Variants in DHRS3 observed in about 807,000 individuals in gnomAD.
The protein encoded by DHRS3 is dehydrogenase/reductase 3.
In DHRS3, 14 loss-of-function variants were observed where a neutral mutation model predicts 27.2. That is an observed-to-expected ratio of 0.52 (90% CI 0.34 to 0.81). The LOEUF is 0.81. DHRS3 is among the 30% of genes least tolerant of loss of function. DHRS3 has a pLI of 0.01. For missense variants in DHRS3, 322 were observed against 406.2 expected (o/e 0.79, Z 1.78); for synonymous variants, 165 against 175.9 (o/e 0.94, Z 0.49).
At chr1:12,579,456 C>T in intron 2 of DHRS3, 44 bp from the exon 3 acceptor site, 3 of 1,605,746 alleles carry the variant, frequency 1.9e-6, no homozygotes, top group Non-Finnish European at 2.6e-6. Flanking sequence ...GCAGCCAGCC[C>T]AGGGCCAACG....
chr1:12,586,356 G>A lies in DHRS3; in HGVS notation c.196-5690C>T, dbSNP rs1011372095. On this transcript the variant is annotated intron_variant, in intron 1 of 5. Transcript: ENST00000616661. This position sits in a 1 kb window ranked among gnomAD's most constrained non-coding sequence, Gnocchi z 5.0. ...CCCCAGGCACGGTGGGGTCGTCTGA[G>A]CTTTGAGGGTTCCACTCTCCTCACA... is the stretch of plus-strand genomic sequence containing the variant. Among the ~76,000 whole-genome samples the A allele has an allele frequency of 4.6e-5, 7 of 152,312 alleles. No individual in the cohort carries two copies. Among genetic ancestry groups the A allele is most frequent in the East Asian group, 1.9e-4 (1 of 5,182 alleles).
chr1:12,584,994 G>GT (rs1246913657), intron 1 of DHRS3, among the ~76,000 whole-genome samples: 1 of 146,742 alleles, frequency 6.8e-6, no homozygotes, highest in Non-Finnish European at 1.5e-5. Context: ...TGTGTCTGTG[G>GT]GTGTGTGTCT....
rs1646754140 is a variant in DHRS3 at position 12,592,390 on chromosome 1, G to C, written c.196-11724C>G. On this transcript the variant is annotated intron_variant, in intron 1 of 5. Transcript: ENST00000616661. This position sits in a 1 kb window ranked among gnomAD's most constrained non-coding sequence, Gnocchi z 4.2. ...AAGTGAGATCACCCTGGGTTAGGGTGGGCTCTGAGTCTAAGGACTAGTGTC... is the reference window on the plus strand; with the variant it reads ...AAGTGAGATCACCCTGGGTTAGGGTCGGCTCTGAGTCTAAGGACTAGTGTC... Among the ~76,000 whole-genome samples the C allele has an allele frequency of 6.6e-6, 1 of 152,062 alleles. No individual in the cohort carries two copies. The highest frequency in any genetic ancestry group is 1.5e-5 in the Non-Finnish European group (1 of 68,020).
intron 1 of DHRS3, among the ~76,000 whole-genome samples, chr1:12,602,132 C>T (rs140937711): frequency 2.6e-5 from 4 of 152,204 alleles, no homozygotes; most frequent in Middle Eastern, 3.4e-3. Flanking sequence ...CACCGCAGCC[C>T]GGTCCTGACC....
chr1:12,588,270 A>G (rs971131914), intron 1 of DHRS3, among the ~76,000 whole-genome samples: 43 of 152,136 alleles, frequency 2.8e-4, no homozygotes, highest in Non-Finnish European at 5.6e-4. Flanking sequence ...ACCACTATAT[A>G]ATGGCTAAAT....
chr1:12,590,452 A>C (rs1646735910), intron 1 of DHRS3, among the ~76,000 whole-genome samples: 1 of 152,104 alleles, frequency 6.6e-6, no homozygotes, highest in East Asian at 1.9e-4. Context: ...CTGGGATTAC[A>C]GGCATGCGCC....
In DHRS3 at chr1:12,608,666, C is replaced by T. The variant is rs1646887054; in HGVS notation, c.195+8488G>A. On this transcript the variant is annotated intron_variant, in intron 1 of 5. Transcript: ENST00000616661. The surrounding 1 kb of genome is among the most constrained non-coding windows in gnomAD (Gnocchi z 4.1). Reference sequence around the variant, plus strand: ...ACCTAGGAGGTTGTCCAGAACCTAACCTCCCCCAGTGCAGAAATCTCGACA... The same window carrying T: ...ACCTAGGAGGTTGTCCAGAACCTAATCTCCCCCAGTGCAGAAATCTCGACA... Among the ~76,000 whole-genome samples the T allele has an allele frequency of 6.6e-6, 1 of 151,606 alleles. No individual in the cohort carries two copies. The highest frequency in any genetic ancestry group is 1.5e-5 in the Non-Finnish European group (1 of 68,012).
In DHRS3 at chr1:12,580,374, A is replaced by T. The variant is rs765878474; in HGVS notation, c.339+149T>A. ...AATCCCTGCCTATGTAACTGGGGCCAGCTTCATGGGAGAGTCCCCAAAGGT... is the reference window on the plus strand; with the variant it reads ...AATCCCTGCCTATGTAACTGGGGCCTGCTTCATGGGAGAGTCCCCAAAGGT... On this transcript the variant is annotated intron_variant, in intron 2 of 5. Coordinates refer to ENST00000616661, the MANE Select transcript of DHRS3 (RefSeq NM_004753.7). The T allele has an allele frequency of 6.0e-6, 6 of 1,005,798 alleles. No individual in the cohort carries two copies. In the South Asian group the frequency reaches 8.2e-5, roughly 14 times the overall value. The allele number at this position is 1,005,798 out of a possible 1,614,324, so 62.3% of individuals were successfully genotyped here. A position where few individuals can be genotyped will look rare whatever the true frequency, so the allele number is the denominator to read the frequency against.
At position 12,594,086 on chromosome 1, in the gene DHRS3, G is replaced by A. The variant is rs987715299; in HGVS notation, c.196-13420C>T. 6.6e-6 allele frequency among the ~76,000 whole-genome samples: 1 copy of A among 152,200 alleles called. No homozygotes were observed. Among genetic ancestry groups the A allele is most frequent in the African/African-American group, 2.4e-5 (1 of 41,444 alleles). ...TGCTGGGTGACCTTGGGGTGGGGGT[G>A]CCAAGGAGAGGAGGGAGGAGCCAGC... On this transcript the variant is annotated intron_variant, in intron 1 of 5. Transcript: ENST00000616661. This position sits in a 1 kb window ranked among gnomAD's most constrained non-coding sequence, Gnocchi z 4.1.
chr1:12,595,175 C>T (rs1342856943), intron 1 of DHRS3, among the ~76,000 whole-genome samples: 1 of 152,162 alleles, frequency 6.6e-6, no homozygotes, highest in Admixed American at 6.5e-5. Context: ...CGCCTGGGAC[C>T]CACCTAGCGC....
chr1:12,588,394 A>G (rs1300289842), intron 1 of DHRS3, among the ~76,000 whole-genome samples: 1 of 152,216 alleles, frequency 6.6e-6, no homozygotes, highest in Non-Finnish European at 1.5e-5. Flanking sequence ...TTTAATAGGT[A>G]AGCCGCAGAC....
At chr1:12,572,405 C>G (rs769557466) in intron 5 of DHRS3, among the ~76,000 whole-genome samples, 4 of 152,036 alleles carry the variant, frequency 2.6e-5, no homozygotes, top group Non-Finnish European at 5.9e-5. Flanking sequence ...CTCTTGACCT[C>G]GTGATCCACC....
chr1:12,596,873 C>T (rs550158927), intron 1 of DHRS3, among the ~76,000 whole-genome samples: 39 of 152,292 alleles, frequency 2.6e-4, no homozygotes, highest in Non-Finnish European at 4.3e-4. Context: ...TGGAGACCCT[C>T]AGAGAAACCA....
chr1:12,585,908 CG>C (rs1646693563), intron 1 of DHRS3, among the ~76,000 whole-genome samples: 1 of 152,206 alleles, frequency 6.6e-6, no homozygotes. Flanking sequence ...TTAGTGAACT[CG>C]GGACAGGCAG....
chr1:12,615,139 AGCCTCATTATAAAGTAGCTC>A (rs1646936072), intron 1 of DHRS3, among the ~76,000 whole-genome samples: 1 of 28,204 alleles, frequency 3.5e-5, no homozygotes, highest in African/African-American at 1.4e-4. Context: ...AGCAAACAGA[AGCCTCATTATAAAGTAGCTC>A]CAGAAGCCTC....
At chr1:12,606,637 G>A (rs1268204456) in intron 1 of DHRS3, among the ~76,000 whole-genome samples, 1 of 151,884 alleles carries the variant, frequency 6.6e-6, no homozygotes, top group East Asian at 1.9e-4. Context: ...TTACAGGCAT[G>A]TGCCACCATG....
intron 1 of DHRS3, among the ~76,000 whole-genome samples, chr1:12,596,900 C>T (rs958829408): frequency 2.6e-5 from 4 of 152,306 alleles, no homozygotes; most frequent in African/African-American, 9.6e-5. Context: ...CCCTTCTCCT[C>T]ACCCACTGCC....
chr1:12,577,028 G>A (rs1173548844), intron 4 of DHRS3, among the ~76,000 whole-genome samples: 1 of 151,658 alleles, frequency 6.6e-6, no homozygotes, highest in Non-Finnish European at 1.5e-5. Flanking sequence ...AGTAACTAAG[G>A]CGTAATGAGT....
intron 1 of DHRS3, among the ~76,000 whole-genome samples, chr1:12,599,489 C>T (rs1646821315): frequency 6.6e-6 from 1 of 152,240 alleles, no homozygotes; most frequent in Non-Finnish European, 1.5e-5. Flanking sequence ...GCTGGTCGTG[C>T]ATCCTGTAGA....
Sources: gnomAD v4.1 joint callset for allele counts (sites outside exome capture counted in the v4.1 genomes callset) on GRCh38, gnomAD v4.1.1 for gene constraint, Gnocchi (gnomAD v3.1) non-coding constraint, MANE v1.5 for transcripts, NCBI Gene and HGNC (gene_info 2026-07-23, HGNC 2026-07-21) for gene names.